NUMB: variants seen among roughly 807,000 people sequenced by gnomAD.
NUMB encodes the protein protein numb homolog.
A neutral mutation model predicts 59.7 loss-of-function variants in NUMB; 29 were observed. The observed-to-expected ratio is 0.49, with a 90% CI of 0.36 to 0.66. The LOEUF (loss-of-function observed/expected upper bound fraction) is 0.66, where lower values mean the gene tolerates loss of function less well. Ranked by LOEUF, NUMB falls within the 30% of genes least tolerant of loss-of-function variation. The pLI, the probability that NUMB is intolerant of heterozygous loss-of-function variation, is 0.00. For missense variants in NUMB, 723 were observed against 822.0 expected (o/e 0.88, Z 1.47); for synonymous variants, 288 against 288.2 (o/e 1.00, Z 0.01).
chr14:73,280,458 CT>C (rs1005805521), intron 11 of NUMB, among the ~76,000 whole-genome samples: 3 of 151,584 alleles, frequency 2.0e-5, no homozygotes, highest in African/African-American at 4.8e-5. Context: ...TTTTTTCCCC[CT>C]CTATGATGTT....
chr14:73,317,365 G>C (rs1230344916), intron 5 of NUMB, among the ~76,000 whole-genome samples: 2 of 152,130 alleles, frequency 1.3e-5, no homozygotes, highest in African/African-American at 2.4e-5. Flanking sequence ...GCAGTGGCAC[G>C]ATCTCAGGTC....
intron 4 of NUMB, among the ~76,000 whole-genome samples, chr14:73,327,402 G>A (rs531325313): frequency 2.0e-5 from 3 of 152,172 alleles, no homozygotes; most frequent in South Asian, 2.1e-4. Context: ...GACTACAGGC[G>A]TGTGCCACCA....
At chr14:73,352,183 C>G (rs1893330592) in intron 4 of NUMB, among the ~76,000 whole-genome samples, 1 of 151,408 alleles carries the variant, frequency 6.6e-6, no homozygotes, top group South Asian at 2.1e-4. Flanking sequence ...TTACAGTTTT[C>G]CTTTACCATT....
chr14:73,353,505 T>C (rs2140014522), intron 4 of NUMB, among the ~76,000 whole-genome samples: 1 of 151,276 alleles, frequency 6.6e-6, no homozygotes, highest in South Asian at 2.1e-4. Context: ...CGTACTTAAA[T>C]GCAATTCTTA....
At chr14:73,425,956 G>T in intron 1 of NUMB, among the ~76,000 whole-genome samples, 1 of 151,794 alleles carries the variant, frequency 6.6e-6, no homozygotes, top group Non-Finnish European at 1.5e-5. Flanking sequence ...CTACAGGTAC[G>T]TGCCACCAAG....
intron 4 of NUMB, among the ~76,000 whole-genome samples, chr14:73,345,642 G>A (rs562046112): frequency 6.6e-6 from 1 of 152,256 alleles, no homozygotes; most frequent in African/African-American, 2.4e-5. Context: ...CGGGCACAGT[G>A]GCTCAAGCCT....
intron 1 of NUMB, among the ~76,000 whole-genome samples, chr14:73,446,004 T>TC (rs1462673432): frequency 6.6e-6 from 1 of 151,534 alleles, no homozygotes; most frequent in African/African-American, 2.4e-5. Context: ...TTTTTCTTTT[T>TC]TTTTTTTTTT....
At chr14:73,384,014 C>G (rs920808056) in intron 2 of NUMB, among the ~76,000 whole-genome samples, 2 of 151,190 alleles carry the variant, frequency 1.3e-5, no homozygotes, top group Non-Finnish European at 2.9e-5. Context: ...GAGACTCTGT[C>G]TCAAAAAAAT....
intron 1 of NUMB, among the ~76,000 whole-genome samples, chr14:73,422,059 G>C (rs557734559): frequency 6.6e-6 from 1 of 151,990 alleles, no homozygotes; most frequent in Admixed American, 6.6e-5. Flanking sequence ...CAAGAGAATC[G>C]CTTGAATCTG....
intron 2 of NUMB, among the ~76,000 whole-genome samples, chr14:73,373,218 G>A (rs1425319732): frequency 1.3e-5 from 2 of 152,150 alleles, no homozygotes; most frequent in African/African-American, 4.8e-5. Context: ...ACAGAAAGAA[G>A]GGATAAAATG....
chr14:73,355,789 A>G, intron 3 of NUMB, 23 bp from the exon 4 acceptor site: 1 of 1,560,500 alleles, frequency 6.4e-7, no homozygotes, highest in African/African-American at 1.4e-5. Flanking sequence ...GAAAAAAAAT[A>G]TTTAAAAGAA....
intron 2 of NUMB, among the ~76,000 whole-genome samples, chr14:73,372,315 A>ATATATATATATATATATATAACCTTT (rs1566766443): frequency 5.1e-4 from 54 of 105,364 alleles, no homozygotes; most frequent in African/African-American, 1.8e-3. Context: ...TTATATATAT[A>ATATATATATATATATATATAACCTTT]TATATATATA....
At chr14:73,436,380 G>A (rs941102857) in intron 1 of NUMB, among the ~76,000 whole-genome samples, 2 of 152,078 alleles carry the variant, frequency 1.3e-5, no homozygotes, top group Admixed American at 1.3e-4. Flanking sequence ...ACAGTAGCGT[G>A]ATCTCGGCTC....
chr14:73,367,875 G>T (rs1282911448), intron 2 of NUMB, among the ~76,000 whole-genome samples: 1 of 151,878 alleles, frequency 6.6e-6, no homozygotes, highest in Non-Finnish European at 1.5e-5. Flanking sequence ...AAGCTGTAGG[G>T]AAAATGAACC....
chr14:73,439,072 C>T (rs1383620497), intron 1 of NUMB, among the ~76,000 whole-genome samples: 1 of 152,102 alleles, frequency 6.6e-6, no homozygotes, highest in African/African-American at 2.4e-5. Context: ...AAATATATAC[C>T]AACCATGTTT....
At chr14:73,305,528 A>G (rs1890382403) in intron 6 of NUMB, among the ~76,000 whole-genome samples, 1 of 152,208 alleles carries the variant, frequency 6.6e-6, no homozygotes, top group African/African-American at 2.4e-5. Flanking sequence ...AATAAAAATG[A>G]CATTTGGAGG....
chr14:73,310,447 G>A (rs1890719652), intron 6 of NUMB, among the ~76,000 whole-genome samples: 1 of 152,188 alleles, frequency 6.6e-6, no homozygotes, highest in African/African-American at 2.4e-5. Context: ...AGGCCATTGG[G>A]CTGTCTAGCG....
At position 73,300,938 on chromosome 14, in the gene NUMB, A is replaced by AAT. The variant is rs909445499; in HGVS notation, c.235-3655_235-3654dup. 3.9e-5 allele frequency among the ~76,000 whole-genome samples: 6 copies of AAT among 152,184 alleles called. No homozygotes were observed. In the East Asian group the frequency reaches 1.2e-3, roughly 29 times the overall value. ...ATTAAAACTGATAAATGGGTGTTAT[A>AAT]ATAGGGCTGTTCCAGGCAAATTGGT... On this transcript the variant is annotated intron_variant, in intron 6 of 12. Transcript: ENST00000555238.
rs577119157 is a variant in NUMB at position 73,357,694 on chromosome 14, C to T, written c.-15-1928G>A. Among the ~76,000 whole-genome samples the T allele has an allele frequency of 3.9e-5, 6 of 152,072 alleles. No homozygotes were observed. In the South Asian group the frequency reaches 1.0e-3, roughly 26 times the overall value. ...AGAAGAATCGCTTGAACCCGGGAGG[C>T]GGAGGTTGCAGTAAGCCGAGATTGT... On this transcript the variant is annotated intron_variant, in intron 3 of 12. Coordinates refer to ENST00000555238, the MANE Select transcript of NUMB (RefSeq NM_001005743.2).
Sources: gnomAD v4.1 joint callset for allele counts (sites outside exome capture counted in the v4.1 genomes callset) on GRCh38, gnomAD v4.1.1 for gene constraint, MANE v1.5 for transcripts, NCBI Gene and HGNC (gene_info 2026-07-23, HGNC 2026-07-21) for gene names.